The following STK39 variants were observed in gnomAD, a reference collection of about 807,000 sequenced individuals.
The protein encoded by STK39 is serine/threonine kinase 39, also known as STE20/SPS1-related proline-alanine-rich protein kinase.
Under a neutral mutation model 77.8 loss-of-function variants are expected in STK39, and 20 were observed. The ratio of observed to expected loss-of-function variants is 0.26; its 90% CI spans 0.18 to 0.37. The LOEUF is 0.37. Among genes scored for constraint, STK39 ranks in the 10% least tolerant of loss-of-function variants. The pLI, the probability that STK39 is intolerant of heterozygous loss-of-function variation, is 1.00. For missense variants in STK39, 479 were observed against 656.5 expected (o/e 0.73, Z 2.95); for synonymous variants, 246 against 234.1 (o/e 1.05, Z -0.47).
At chr2:168,176,697 G>C (rs1284478158) in intron 2 of STK39, among the ~76,000 whole-genome samples, 1 of 152,054 alleles carries the variant, frequency 6.6e-6, no homozygotes, top group Non-Finnish European at 1.5e-5. Flanking sequence ...AGATGATACA[G>C]GAAGAAAAAA....
At chr2:168,031,607 A>G (rs569241991) in intron 14 of STK39, among the ~76,000 whole-genome samples, 4 of 152,306 alleles carry the variant, frequency 2.6e-5, no homozygotes, top group Non-Finnish European at 5.9e-5. Flanking sequence ...GTGGGCCCTA[A>G]TCCAACAGGA....
intron 14 of STK39, among the ~76,000 whole-genome samples, chr2:168,022,546 A>G (rs1684596249): frequency 6.6e-6 from 1 of 152,206 alleles, no homozygotes; most frequent in Non-Finnish European, 1.5e-5. Flanking sequence ...CAATATTCAG[A>G]TTTGTCAGAG....
intron 5 of STK39, among the ~76,000 whole-genome samples, chr2:168,145,329 AG>A (rs1688107872): frequency 6.6e-6 from 1 of 152,160 alleles, no homozygotes; most frequent in African/African-American, 2.4e-5. Context: ...CTCAGTGACA[AG>A]GGCCCTTGAT....
At chr2:168,057,842 C>T (rs1321754173) in intron 14 of STK39, among the ~76,000 whole-genome samples, 1 of 152,166 alleles carries the variant, frequency 6.6e-6, no homozygotes, top group Non-Finnish European at 1.5e-5. Context: ...TGCCTGCCTT[C>T]CCCTGATGGT....
At chr2:168,040,658 T>C (rs1685079673) in intron 14 of STK39, among the ~76,000 whole-genome samples, 1 of 152,204 alleles carries the variant, frequency 6.6e-6, no homozygotes, top group Non-Finnish European at 1.5e-5. Context: ...CTTTAATTAA[T>C]AATTATATGA....
At chr2:168,213,010 T>G (rs757325674) in intron 1 of STK39, among the ~76,000 whole-genome samples, 1 of 152,210 alleles carries the variant, frequency 6.6e-6, no homozygotes, top group Non-Finnish European at 1.5e-5. Context: ...AAATATCCCA[T>G]GATCCATTCA....
intron 1 of STK39, among the ~76,000 whole-genome samples, chr2:168,195,973 T>C (rs1472771593): frequency 2.6e-5 from 4 of 151,984 alleles, no homozygotes; most frequent in Non-Finnish European, 5.9e-5. Flanking sequence ...GCCAAGATCG[T>C]GCCATTGCAC....
rs1368222199 is a variant in STK39 at position 167,962,748 on chromosome 2, GA to G, written c.1563+1913del. Among the ~76,000 whole-genome samples the G allele has an allele frequency of 3.9e-5, 6 of 152,316 alleles. No homozygotes were observed. In the South Asian group the frequency reaches 1.2e-3, roughly 32 times the overall value. On this transcript the variant is annotated intron_variant, in intron 17 of 17. Coordinates refer to ENST00000355999, the MANE Select transcript of STK39 (RefSeq NM_013233.3). ...AAAATGAGGAATCTACAAAATGACA[GA>G]AAACTGTACAGCCCTAAGGCTGCAG... is the stretch of plus-strand genomic sequence containing the variant.
chr2:168,174,686 T>A (rs975350763), intron 2 of STK39, among the ~76,000 whole-genome samples: 1 of 151,782 alleles, frequency 6.6e-6, no homozygotes, highest in African/African-American at 2.4e-5. Context: ...AAAATTCAAA[T>A]TGAAGATGTC....
chr2:168,078,759 A>AG (rs1200055642), intron 10 of STK39, among the ~76,000 whole-genome samples: 2 of 151,012 alleles, frequency 1.3e-5, no homozygotes, highest in Admixed American at 6.6e-5. Context: ...AAAAAAAAAA[A>AG]GGAAAGCACC....
chr2:168,174,372 T>C (rs1688904095), intron 2 of STK39, among the ~76,000 whole-genome samples: 1 of 152,174 alleles, frequency 6.6e-6, no homozygotes, highest in Non-Finnish European at 1.5e-5. Flanking sequence ...GTCATGAAAT[T>C]GCGTGCTCTG....
intron 5 of STK39, among the ~76,000 whole-genome samples, chr2:168,157,127 C>G (rs1688450768): frequency 6.6e-6 from 1 of 152,074 alleles, no homozygotes; most frequent in Non-Finnish European, 1.5e-5. Context: ...TTTCCTAGCA[C>G]TTTTAGTCAT....
intron 1 of STK39, among the ~76,000 whole-genome samples, chr2:168,240,524 G>A (rs1690731977): frequency 6.6e-6 from 1 of 152,216 alleles, no homozygotes; most frequent in Admixed American, 6.5e-5. Context: ...TCAAGGAGGT[G>A]GAGTATTTAG....
chr2:168,228,202 CAAGA>C (rs996549192), intron 1 of STK39, among the ~76,000 whole-genome samples: 9 of 152,118 alleles, frequency 5.9e-5, no homozygotes, highest in Admixed American at 2.0e-4. Context: ...GCCAAAATCT[CAAGA>C]AATAAAATCA....
At chr2:168,124,424 G>A (rs531078467) in intron 10 of STK39, among the ~76,000 whole-genome samples, 40 of 152,008 alleles carry the variant, frequency 2.6e-4, no homozygotes, top group Non-Finnish European at 3.2e-4. Flanking sequence ...TTTTTGAGGC[G>A]GAGTCTCGAT....
chr2:168,113,426 C>A (rs73019431), intron 10 of STK39, among the ~76,000 whole-genome samples: 4,221 of 152,216 alleles, frequency 0.028, 189 homozygotes, highest in African/African-American at 0.096. Context: ...TGGAATATTA[C>A]CAGATAAGAT....
chr2:168,194,312 C>T (rs988852732), intron 1 of STK39, among the ~76,000 whole-genome samples: 4 of 152,000 alleles, frequency 2.6e-5, no homozygotes, highest in African/African-American at 7.2e-5. Flanking sequence ...CTCAGCTACT[C>T]GGAAGGCAGA....
chr2:168,141,601 A>C (rs150194986), intron 5 of STK39, among the ~76,000 whole-genome samples: 53 of 152,352 alleles, frequency 3.5e-4, no homozygotes, highest in Admixed American at 5.9e-4. Flanking sequence ...TGATAAGTTA[A>C]AGTACCAATT....
intron 12 of STK39, among the ~76,000 whole-genome samples, chr2:168,067,973 C>T (rs367659405): frequency 2.0e-5 from 3 of 152,162 alleles, no homozygotes; most frequent in East Asian, 1.9e-4. Context: ...CAGCAGAAGG[C>T]GCAGGAGGAG....
Sources: gnomAD v4.1 joint callset for allele counts (sites outside exome capture counted in the v4.1 genomes callset) on GRCh38, gnomAD v4.1.1 for gene constraint, MANE v1.5 for transcripts, NCBI Gene and HGNC (gene_info 2026-07-23, HGNC 2026-07-21) for gene names.